Variants in SNAP91 observed in about 807,000 individuals in gnomAD.
SNAP91 encodes synaptosome associated protein 91.
A neutral mutation model predicts 100.3 loss-of-function variants in SNAP91; 27 were observed. The ratio of observed to expected loss-of-function variants is 0.27; its 90% confidence interval spans 0.20 to 0.37. The LOEUF (loss-of-function observed/expected upper bound fraction) is 0.37. SNAP91 is among the 10% of genes least tolerant of loss of function. The probability of loss-of-function intolerance (pLI) is 1.00; values close to 1 mark genes in which losing one functional copy is unlikely to be tolerated. For missense variants in SNAP91, 986 were observed against 1,123.7 expected, an observed-to-expected ratio of 0.88 and a Z score of 1.75; for synonymous variants, 404 against 398.6, an observed-to-expected ratio of 1.01 and a Z score of -0.16.
intron 10 of SNAP91, 66 bp downstream of exon 10, chr6:83,616,903 A>C: frequency 9.2e-7 from 1 of 1,086,372 alleles, no homozygotes. Flanking sequence ...ACCATGATAA[A>C]TCTCATTCTT....
chr6:83,604,575 A>T (rs373561840), intron 14 of SNAP91, among the ~76,000 whole-genome samples: 2 of 152,208 alleles, frequency 1.3e-5, no homozygotes, highest in African/African-American at 2.4e-5. Context: ...ACTGTTTAAC[A>T]AGACCACCAA....
chr6:83,701,249 TAA>T (rs1197052491), intron 2 of SNAP91, among the ~76,000 whole-genome samples: 1 of 151,992 alleles, frequency 6.6e-6, no homozygotes, highest in Non-Finnish European at 1.5e-5. Context: ...AAAATACTTA[TAA>T]GAGAGACAGA....
chr6:83,686,977 T>C (rs2099069313), intron 2 of SNAP91: 1 of 152,214 alleles, frequency 6.6e-6, no homozygotes, highest in Non-Finnish European at 1.5e-5. Context: ...ATAATTTTTA[T>C]ATAAAAATGT....
At chr6:83,596,734 A>T (rs1414910436) in intron 16 of SNAP91, among the ~76,000 whole-genome samples, 3 of 147,902 alleles carry the variant, frequency 2.0e-5, no homozygotes, top group African/African-American at 7.6e-5. Flanking sequence ...TACATTATAT[A>T]TATATGTATA....
At chr6:83,665,321 T>C in intron 3 of SNAP91, 118 bp downstream of exon 3, 1 of 986,870 alleles carries the variant, frequency 1.0e-6, no homozygotes, top group African/African-American at 1.6e-5. Flanking sequence ...TCCGGAACTG[T>C]GTATTTCCTT....
chr6:83,629,902 T>TGA (rs1284589175), intron 8 of SNAP91, among the ~76,000 whole-genome samples: 1 of 152,110 alleles, frequency 6.6e-6, no homozygotes, highest in Non-Finnish European at 1.5e-5. Context: ...AGAGGAGTGG[T>TGA]GAGAGTAGGC....
rs1259943344 is a variant in SNAP91 at position 83,623,294 on chromosome 6, T to C, written c.807+7A>G. On this transcript the variant is annotated splice_region_variant and intron_variant, in intron 9 of 29. Transcript: ENST00000369694. ...ATACTGAATCTTCCACTGGGAGAGT[T>C]GCTTACCTGTGTGAGGTCAGGAATG... 1 of 1,604,292 alleles carries C rather than the reference T, an allele frequency of 6.2e-7. No homozygotes were observed. The highest frequency in any genetic ancestry group is 8.5e-7 in the Non-Finnish European group (1 of 1,173,410).
chr6:83,623,155 A>T, intron 9 of SNAP91, 146 bp downstream of exon 9: 1 of 580,872 alleles, frequency 1.7e-6, no homozygotes, highest in Non-Finnish European at 3.1e-6. Context: ...GGCTAGAAAC[A>T]ATAAATAAGG....
chr6:83,592,562 A>G, intron 20 of SNAP91, 24 bp from the exon 21 acceptor site: 1 of 1,577,346 alleles, frequency 6.3e-7, no homozygotes, highest in Non-Finnish European at 8.6e-7. Context: ...CAGACAGGAA[A>G]AAGTGCATGT....
At chr6:83,648,668 A>G (rs1008996175) in intron 7 of SNAP91, among the ~76,000 whole-genome samples, 4 of 152,202 alleles carry the variant, frequency 2.6e-5, no homozygotes, top group Admixed American at 6.5e-5. Flanking sequence ...TAGTAGGTCC[A>G]AGAGGTATCT....
chr6:83,621,435 T>C (rs2096724825), intron 9 of SNAP91, among the ~76,000 whole-genome samples: 1 of 152,174 alleles, frequency 6.6e-6, no homozygotes, highest in Non-Finnish European at 1.5e-5. Flanking sequence ...ATTTCTACCA[T>C]AGAATAGCTT....
At chr6:83,601,141 G>T in intron 16 of SNAP91, 130 bp downstream of exon 16, 1 of 734,414 alleles carries the variant, frequency 1.4e-6, no homozygotes, top group Non-Finnish European at 2.2e-6. Flanking sequence ...AAATATACAT[G>T]AATAAACATT....
chr6:83,556,747 T>C (rs777620864), intron 28 of SNAP91, among the ~76,000 whole-genome samples: 3 of 152,242 alleles, frequency 2.0e-5, no homozygotes, highest in Non-Finnish European at 2.9e-5. Context: ...AATAAATCTA[T>C]TTAAATGGCT....
At chr6:83,628,066 C>T (rs1024794170) in intron 8 of SNAP91, among the ~76,000 whole-genome samples, 1 of 151,602 alleles carries the variant, frequency 6.6e-6, no homozygotes, top group Non-Finnish European at 1.5e-5. Context: ...CCTTTGCATC[C>T]TCATAGCTTA....
At chr6:83,693,037 C>T (rs968730945) in intron 2 of SNAP91, among the ~76,000 whole-genome samples, 1 of 152,092 alleles carries the variant, frequency 6.6e-6, no homozygotes. Flanking sequence ...AAATGTGTAC[C>T]ACCACATTGG....
intron 8 of SNAP91, among the ~76,000 whole-genome samples, chr6:83,624,460 G>C (rs760157444): frequency 2.6e-5 from 4 of 152,124 alleles, no homozygotes; most frequent in Admixed American, 6.6e-5. Context: ...AACACATGAA[G>C]CAAAAGTGCT....
intron 2 of SNAP91, among the ~76,000 whole-genome samples, chr6:83,674,746 G>A (rs889926482): frequency 2.0e-5 from 3 of 152,084 alleles, no homozygotes; most frequent in Non-Finnish European, 2.9e-5. Context: ...GTTATATTTC[G>A]GGAAGGAGAA....
chr6:83,656,354 T>C (rs1031281811), intron 7 of SNAP91, among the ~76,000 whole-genome samples: 1 of 152,206 alleles, frequency 6.6e-6, no homozygotes, highest in Non-Finnish European at 1.5e-5. Flanking sequence ...ATGAATAGGC[T>C]AAACAGCATA....
intron 2 of SNAP91, among the ~76,000 whole-genome samples, chr6:83,697,323 T>TGC (rs1554372212): frequency 1.4e-4 from 12 of 82,780 alleles, no homozygotes; most frequent in African/African-American, 5.0e-4. Flanking sequence ...AGAAAATAGC[T>TGC]GCACACACAC....
Sources: gnomAD v4.1 joint callset for allele counts (sites outside exome capture counted in the v4.1 genomes callset) on GRCh38, gnomAD v4.1.1 for gene constraint, MANE v1.5 for transcripts, NCBI Gene and HGNC (gene_info 2026-07-23, HGNC 2026-07-21) for gene names.